The following NLGN1 variants were observed in gnomAD, a reference collection of about 807,000 sequenced individuals.
NLGN1 encodes neuroligin-1.
NLGN1 carries 12 observed loss-of-function variants against 65.5 expected under a neutral mutation model. The ratio of observed to expected loss-of-function variants is 0.18; its 90% CI spans 0.12 to 0.30. The LOEUF (loss-of-function observed/expected upper bound fraction) is 0.30, where lower values mean the gene tolerates loss of function less well. NLGN1 is among the 10% of genes least tolerant of loss of function. The pLI is 1.00. For missense variants in NLGN1, 750 were observed against 1,007.1 expected (o/e 0.74, Z 3.46); for synonymous variants, 350 against 359.5 (o/e 0.97, Z 0.30).
At chr3:174,033,943 AT>A (rs879922377) in intron 4 of NLGN1, among the ~76,000 whole-genome samples, 8 of 152,290 alleles carry the variant, frequency 5.3e-5, no homozygotes, top group Admixed American at 2.6e-4. Flanking sequence ...CAAACCACAG[AT>A]TGAGGGAATT....
chr3:173,469,856 A>G (rs1725031098), intron 2 of NLGN1, among the ~76,000 whole-genome samples: 1 of 152,012 alleles, frequency 6.6e-6, no homozygotes, highest in Admixed American at 6.6e-5. Flanking sequence ...GTTTTAAAAT[A>G]AAAATAATAC....
At chr3:173,649,466 C>T (rs920525496) in intron 3 of NLGN1, among the ~76,000 whole-genome samples, 13 of 151,890 alleles carry the variant, frequency 8.6e-5, no homozygotes, top group African/African-American at 2.9e-4. Flanking sequence ...TTTAAATATG[C>T]GCAATTTTTT....
At chr3:173,680,827 C>T (rs978535850) in intron 3 of NLGN1, among the ~76,000 whole-genome samples, 4 of 152,084 alleles carry the variant, frequency 2.6e-5, no homozygotes, top group East Asian at 1.9e-4. Flanking sequence ...CAGAACAGAA[C>T]GTTCTGAACA....
intron 3 of NLGN1, among the ~76,000 whole-genome samples, chr3:173,773,933 G>A (rs1404394642): frequency 6.6e-6 from 1 of 152,160 alleles, no homozygotes; most frequent in Non-Finnish European, 1.5e-5. Context: ...AATCATGTGA[G>A]GAGCAGGAAA....
chr3:174,188,600 T>C (rs1176361628), intron 4 of NLGN1, among the ~76,000 whole-genome samples: 1 of 151,984 alleles, frequency 6.6e-6, no homozygotes, highest in South Asian at 2.1e-4. Context: ...GAAACCCAAG[T>C]TTGTCTTCTC....
intron 4 of NLGN1, among the ~76,000 whole-genome samples, chr3:174,116,056 A>G (rs1716337786): frequency 1.3e-5 from 2 of 152,220 alleles, no homozygotes; most frequent in Non-Finnish European, 2.9e-5. Flanking sequence ...GTCCATTACA[A>G]CAAGAAAATT....
chr3:173,583,780 A>C (rs186857208), intron 2 of NLGN1, among the ~76,000 whole-genome samples: 4 of 152,326 alleles, frequency 2.6e-5, no homozygotes, highest in African/African-American at 9.6e-5. Flanking sequence ...AATGACTCTT[A>C]GGTCTTGTTC....
chr3:173,818,723 C>T (rs150556653), intron 4 of NLGN1, among the ~76,000 whole-genome samples: 2 of 152,136 alleles, frequency 1.3e-5, no homozygotes, highest in East Asian at 3.9e-4. Flanking sequence ...TCTTCACCTG[C>T]CTATAACTCT....
At chr3:173,872,629 T>A (rs1318881264) in intron 4 of NLGN1, among the ~76,000 whole-genome samples, 1 of 152,128 alleles carries the variant, frequency 6.6e-6, no homozygotes, top group African/African-American at 2.4e-5. Context: ...CATCACAGGA[T>A]TTTTTAGTGT....
chr3:173,753,151 C>G (rs1203983420), intron 3 of NLGN1, among the ~76,000 whole-genome samples: 1 of 152,092 alleles, frequency 6.6e-6, no homozygotes, highest in Non-Finnish European at 1.5e-5. Flanking sequence ...TAAAACTACA[C>G]TCATTGCCTT....
At chr3:173,754,900 C>T (rs1031461604) in intron 3 of NLGN1, among the ~76,000 whole-genome samples, 1 of 152,024 alleles carries the variant, frequency 6.6e-6, no homozygotes. Flanking sequence ...ATTTATACAA[C>T]AATTCCAGTA....
intron 4 of NLGN1, among the ~76,000 whole-genome samples, chr3:173,844,446 A>C (rs1384949263): frequency 2.0e-5 from 3 of 152,172 alleles, no homozygotes; most frequent in Admixed American, 2.0e-4. Context: ...GCATATTTTT[A>C]TGAAAATTTT....
chr3:174,085,243 G>A lies in NLGN1; in HGVS notation c.647-190072G>A, dbSNP rs7650981. ...TTGAAAATTTTCCAGATAAAATCTTGGGAAAAATATGCTTCTTAGAACAGA... is the reference window on the plus strand; with the variant it reads ...TTGAAAATTTTCCAGATAAAATCTTAGGAAAAATATGCTTCTTAGAACAGA... On this transcript the variant is annotated intron_variant, in intron 4 of 6. Coordinates refer to ENST00000457714, the Ensembl canonical transcript of NLGN1. Among the ~76,000 whole-genome samples, 958 of 151,910 alleles carry A rather than the reference G, an allele frequency of 6.3e-3. 11 individuals are homozygous for A. The highest frequency in any genetic ancestry group is 0.022 in the African/African-American group (899 of 41,524).
At chr3:173,883,423 T>C (rs1459271988) in intron 4 of NLGN1, among the ~76,000 whole-genome samples, 1 of 152,124 alleles carries the variant, frequency 6.6e-6, no homozygotes, top group African/African-American at 2.4e-5. Context: ...CAGATCATCA[T>C]AACAAATAAT....
At chr3:174,137,021 G>A (rs995493553) in intron 4 of NLGN1, among the ~76,000 whole-genome samples, 1 of 151,968 alleles carries the variant, frequency 6.6e-6, no homozygotes, top group Non-Finnish European at 1.5e-5. Context: ...GTCTACAGAG[G>A]CAAAATCATC....
rs182303629 is a variant in NLGN1, at chr3:174,056,920, T to A, written c.647-218395T>A. Among the ~76,000 whole-genome samples the A allele has an allele frequency of 6.4e-3, 980 of 152,000 alleles. 20 individuals are homozygous for A. The highest frequency in any genetic ancestry group is 0.038 in the East Asian group (196 of 5,164). ...TAACTTTTAAGCCATATATATATAT[T>A]TTTTTTCATTTTTCTACATTATGAT... is the stretch of plus-strand genomic sequence containing the variant. On this transcript the variant is annotated intron_variant, in intron 4 of 6. Transcript: ENST00000457714.
intron 4 of NLGN1, among the ~76,000 whole-genome samples, chr3:174,143,055 C>T (rs1325086952): frequency 1.3e-5 from 2 of 152,050 alleles, no homozygotes; most frequent in South Asian, 2.1e-4. Context: ...CTCATGTGAA[C>T]TAATTCAGTG....
intron 1 of NLGN1, among the ~76,000 whole-genome samples, chr3:173,419,017 C>CTTTTTTTTTTTTTTTTTTT (rs1714402944): frequency 8.9e-5 from 1 of 11,278 alleles, no homozygotes; most frequent in African/African-American, 3.8e-4. Flanking sequence ...CTTTCTTCTT[C>CTTTTTTTTTTTTTTTTTTT]TTCTTTTTTT....
chr3:173,399,782 G>A (rs988895633), intron 1 of NLGN1: 6 of 152,152 alleles, frequency 3.9e-5, no homozygotes, highest in African/African-American at 1.4e-4. Context: ...GGATAATTAA[G>A]TAGCTAGAAC....
Sources: allele counts gnomAD v4.1 joint callset (sites outside exome capture counted in the v4.1 genomes callset), GRCh38; gene constraint gnomAD v4.1.1; transcripts MANE v1.5; gene names NCBI Gene and HGNC (gene_info 2026-07-23, HGNC 2026-07-21).